The following CDCP2 variants were observed in gnomAD, a reference collection of about 807,000 sequenced individuals.
The protein encoded by CDCP2 is CUB domain containing protein 2.
Under a neutral mutation model 31.0 loss-of-function variants are expected in CDCP2, and 31 were observed. The observed-to-expected ratio is 1.00, with a 90% CI of 0.75 to 1.35. CDCP2 has a LOEUF of 1.35. Ranked by LOEUF, CDCP2 falls within the 40% of genes most tolerant of loss-of-function variation. The pLI, the probability that CDCP2 is intolerant of heterozygous loss-of-function variation, is 0.00. For missense variants in CDCP2, 443 were observed against 482.6 expected (o/e 0.92, Z 0.77); for synonymous variants, 206 against 207.9 (o/e 0.99, Z 0.08).
rs141540587 is a variant in CDCP2 at position 54,147,114 on chromosome 1, A to G, written c.80-2301T>C. Among the ~76,000 whole-genome samples the G allele has an allele frequency of 1.5e-3, 211 of 145,152 alleles. 7 individuals are homozygous for G. The highest frequency in any genetic ancestry group is 5.2e-3 in the African/African-American group (202 of 39,212). On this transcript the variant is annotated intron_variant, in intron 1 of 5. Coordinates refer to ENST00000530059, the Ensembl canonical transcript of CDCP2. ...AAAAAAAAAAAAAAAAGACACAGAA[A>G]CCTACTTGAAATGGCTTCCACTGGC...
intron 4 of CDCP2, chr1:54,139,423 T>C (rs1258884985): frequency 1.0e-6 from 1 of 962,702 alleles, no homozygotes; most frequent in African/African-American, 1.7e-5. Flanking sequence ...CCATATTTTG[T>C]CTATTTCCCC....
At chr1:54,152,926 C>T (rs1659609737), upstream of CDCP2, 3 of 1,614,120 alleles carry the variant, frequency 1.9e-6, no homozygotes, top group Non-Finnish European at 2.5e-6. Flanking sequence ...CCAGCATCTC[C>T]TCACCAGGGG....
At chr1:54,133,639 G>A (rs975269746) in intron 5 of CDCP2, among the ~76,000 whole-genome samples, 4 of 152,190 alleles carry the variant, frequency 2.6e-5, no homozygotes, top group Admixed American at 6.5e-5. Flanking sequence ...GCTCACGCCT[G>A]TAATCCCAGC....
intron 1 of CDCP2, among the ~76,000 whole-genome samples, chr1:54,150,610 T>A (rs763422624): frequency 6.7e-5 from 10 of 149,232 alleles, no homozygotes; most frequent in Non-Finnish European, 1.0e-4. Context: ...AAAAAAAAAA[T>A]TCTTATTATT....
intron 5 of CDCP2, among the ~76,000 whole-genome samples, chr1:54,134,135 C>T (rs1057210871): frequency 2.0e-5 from 3 of 152,196 alleles, no homozygotes; most frequent in African/African-American, 4.8e-5. Flanking sequence ...GGCAAATTTA[C>T]AGACATGACT....
chr1:54,136,443 TGGAG>T (rs1237158550), intron 5 of CDCP2, among the ~76,000 whole-genome samples, 183 bp downstream of exon 5: 1 of 152,172 alleles, frequency 6.6e-6, no homozygotes, highest in African/African-American at 2.4e-5. Flanking sequence ...TCTCTCCTAT[TGGAG>T]TTCTTTGCTA....
At chr1:54,151,667 G>A (rs1659586291) in intron 1 of CDCP2, among the ~76,000 whole-genome samples, 1 of 152,190 alleles carries the variant, frequency 6.6e-6, no homozygotes, top group Admixed American at 6.5e-5. Flanking sequence ...CTGGGTGACT[G>A]GCAAGGTACA....
chr1:54,141,300 G>A (rs759622716), exon 3 of CDCP2: 25 of 1,614,116 alleles, frequency 1.5e-5, no homozygotes, highest in South Asian at 3.3e-5. Context: ...GGAAGTCCAC[G>A]AACACCAGCT....
At chr1:54,140,643 T>G in intron 3 of CDCP2, 1 of 197,978 alleles carries the variant, frequency 5.1e-6, no homozygotes, top group Non-Finnish European at 1.0e-5. Context: ...TTCTTACTGA[T>G]GGATAGCACA....
exon 6 of CDCP2, chr1:54,133,220 A>G (rs1415379171): frequency 2.5e-6 from 1 of 398,988 alleles, no homozygotes; most frequent in African/African-American, 2.1e-5. Context: ...CCTCGTACTC[A>G]TGGATGTCCT....
intron 4 of CDCP2, among the ~76,000 whole-genome samples, chr1:54,137,452 C>G (rs1659276717): frequency 6.6e-6 from 1 of 152,128 alleles, no homozygotes; most frequent in African/African-American, 2.4e-5. Flanking sequence ...CCTCACTTTC[C>G]CTCCCTACAA....
intron 1 of CDCP2, among the ~76,000 whole-genome samples, chr1:54,150,597 A>T (rs975457287): frequency 1.4e-5 from 2 of 144,052 alleles, no homozygotes; most frequent in African/African-American, 5.4e-5. Context: ...ACTCCATTTA[A>T]AAAAAAAAAA....
chr1:54,133,698 C>G (rs1006196651), intron 5 of CDCP2, among the ~76,000 whole-genome samples: 2 of 152,096 alleles, frequency 1.3e-5, no homozygotes, highest in Non-Finnish European at 2.9e-5. Flanking sequence ...AGATCGAGAC[C>G]ATCCTGACTA....
At chr1:54,137,922 G>C (rs2100420377) in intron 4 of CDCP2, 1 of 152,130 alleles carries the variant, frequency 6.6e-6, no homozygotes, top group South Asian at 2.1e-4. Context: ...GTCACCCCCA[G>C]CTGGCACTGT....
chr1:54,146,440 G>A (rs1164098959), intron 1 of CDCP2, among the ~76,000 whole-genome samples: 3 of 151,766 alleles, frequency 2.0e-5, no homozygotes, highest in East Asian at 3.9e-4. Flanking sequence ...TTGGCCTCCC[G>A]AAGTGCTGGG....
chr1:54,141,338 T>C (rs758202542), exon 3 of CDCP2: 1 of 1,614,238 alleles, frequency 6.2e-7, no homozygotes, highest in Non-Finnish European at 8.5e-7. Context: ...GCGGCCCGGA[T>C]CACCCAGTGG....
At chr1:54,135,091 C>T (rs1300583035) in intron 5 of CDCP2, among the ~76,000 whole-genome samples, 1 of 150,138 alleles carries the variant, frequency 6.7e-6, no homozygotes, top group African/African-American at 2.5e-5. Context: ...AATCAGGACA[C>T]TGGGGAAAGA....
At chr1:54,145,041 G>C (rs1365272565) in intron 1 of CDCP2, among the ~76,000 whole-genome samples, 1 of 152,122 alleles carries the variant, frequency 6.6e-6, no homozygotes, top group African/African-American at 2.4e-5. Context: ...TAGGTGCTGG[G>C]GTCACAGCAG....
rs569901317 is a variant in CDCP2 at position 54,145,409 on chromosome 1, G to C, written c.80-596C>G. On this transcript the variant is annotated intron_variant, in intron 1 of 5. Transcript: ENST00000530059. ...CCGCTGCACTCCAGCCTGGGCAACAGAGCGAGACTCTGTCTCAAAAAATAA... is the reference window on the plus strand; with the variant it reads ...CCGCTGCACTCCAGCCTGGGCAACACAGCGAGACTCTGTCTCAAAAAATAA... 3.3e-5 allele frequency among the ~76,000 whole-genome samples: 5 copies of C among 152,160 alleles called. No homozygotes were observed. The South Asian group carries it at 1.0e-3, about 32-fold the overall frequency.
Sources: gnomAD v4.1 joint callset for allele counts (sites outside exome capture counted in the v4.1 genomes callset) on GRCh38, gnomAD v4.1.1 for gene constraint, MANE v1.5 for transcripts, NCBI Gene and HGNC (gene_info 2026-07-23, HGNC 2026-07-21) for gene names.